The following FBXL7 variants were observed in gnomAD, a reference collection of about 807,000 sequenced individuals.
FBXL7 encodes F-box and leucine rich repeat protein 7, also known as F-box/LRR-repeat protein 7.
Under a neutral mutation model 38.3 loss-of-function variants are expected in FBXL7, and 12 were observed. The observed-to-expected ratio is 0.31, with a 90% CI of 0.20 to 0.51. The LOEUF is 0.51. Among genes scored for constraint, FBXL7 ranks in the 20% least tolerant of loss-of-function variants. FBXL7 has a pLI of 0.98. For synonymous variants in FBXL7, 297 were observed against 300.9 expected (o/e 0.99, Z 0.13); for missense variants, 567 against 676.4 (o/e 0.84, Z 1.79).
chr5:15,833,673 G>A (rs141798279), intron 2 of FBXL7, among the ~76,000 whole-genome samples: 15 of 152,308 alleles, frequency 9.8e-5, no homozygotes, highest in Non-Finnish European at 1.6e-4. Context: ...AGGCTTTGCC[G>A]TTTTTCTGTG....
intron 2 of FBXL7, among the ~76,000 whole-genome samples, chr5:15,905,030 T>G (rs1166969523): frequency 6.6e-6 from 1 of 152,188 alleles, no homozygotes; most frequent in Non-Finnish European, 1.5e-5. Flanking sequence ...GGCCTGTGCT[T>G]CTCTGCACTA....
chr5:15,888,281 G>A (rs938434089), intron 2 of FBXL7, among the ~76,000 whole-genome samples: 1 of 151,748 alleles, frequency 6.6e-6, no homozygotes, highest in Non-Finnish European at 1.5e-5. Flanking sequence ...AGGCTGGAGT[G>A]CAGTGGCGCA....
intron 2 of FBXL7, among the ~76,000 whole-genome samples, chr5:15,688,582 A>T (rs1202706239): frequency 1.3e-5 from 2 of 152,160 alleles, no homozygotes; most frequent in African/African-American, 4.8e-5. Flanking sequence ...GGTCGCCTCC[A>T]GTCAGGCCAT....
chr5:15,858,756 T>G (rs1739349021), intron 2 of FBXL7, among the ~76,000 whole-genome samples: 1 of 152,190 alleles, frequency 6.6e-6, no homozygotes, highest in African/African-American at 2.4e-5. Context: ...CTGATTTAAG[T>G]TGTTGCTTCT....
At chr5:15,729,963 C>A (rs1252333981) in intron 2 of FBXL7, among the ~76,000 whole-genome samples, 2 of 152,142 alleles carry the variant, frequency 1.3e-5, no homozygotes, top group Non-Finnish European at 1.5e-5. Flanking sequence ...TGTATGCAGT[C>A]CTACTGTATG....
intron 2 of FBXL7, among the ~76,000 whole-genome samples, chr5:15,834,159 G>A (rs750519229): frequency 2.0e-5 from 3 of 152,168 alleles, no homozygotes; most frequent in South Asian, 2.1e-4. Context: ...GGCAAACAGA[G>A]GGCAGCATGT....
chr5:15,519,723 G>C (rs1737046914), intron 1 of FBXL7, among the ~76,000 whole-genome samples: 1 of 152,172 alleles, frequency 6.6e-6, no homozygotes, highest in Non-Finnish European at 1.5e-5. Flanking sequence ...GACATTCCTA[G>C]AAGGAGGAGA....
intron 2 of FBXL7, among the ~76,000 whole-genome samples, chr5:15,749,513 G>A (rs1736100591): frequency 2.0e-5 from 3 of 151,884 alleles, no homozygotes; most frequent in Admixed American, 2.0e-4. Context: ...CGTAGTCCCA[G>A]CTACTCGGGA....
intron 1 of FBXL7, among the ~76,000 whole-genome samples, chr5:15,557,484 A>G (rs989128443): frequency 3.9e-5 from 6 of 152,238 alleles, no homozygotes; most frequent in African/African-American, 1.4e-4. Context: ...ATCCTATGGC[A>G]TAAGGCTTCT....
At chr5:15,620,145 T>C (rs1411287428) in intron 2 of FBXL7, among the ~76,000 whole-genome samples, 1 of 152,148 alleles carries the variant, frequency 6.6e-6, no homozygotes, top group Non-Finnish European at 1.5e-5. Flanking sequence ...TTGAATTGTA[T>C]GCTTAAAAAA....
At chr5:15,930,672 C>T (rs1015556219) in intron 3 of FBXL7, among the ~76,000 whole-genome samples, 9 of 152,092 alleles carry the variant, frequency 5.9e-5, no homozygotes, top group Non-Finnish European at 7.4e-5. Flanking sequence ...GTGTAGCCTC[C>T]CCTCATGTCT....
intron 2 of FBXL7, among the ~76,000 whole-genome samples, chr5:15,626,638 A>C (rs2126535176): frequency 6.6e-6 from 1 of 151,988 alleles, no homozygotes; most frequent in East Asian, 1.9e-4. Flanking sequence ...CAGAGCTCTC[A>C]GTGCCTTTAT....
chr5:15,680,568 A>C (rs893623072), intron 2 of FBXL7, among the ~76,000 whole-genome samples: 1 of 152,100 alleles, frequency 6.6e-6, no homozygotes, highest in Admixed American at 6.6e-5. Flanking sequence ...TAATTAACAT[A>C]CCCATAGTAG....
intron 1 of FBXL7, among the ~76,000 whole-genome samples, chr5:15,563,846 C>T (rs536311070): frequency 1.3e-5 from 2 of 151,974 alleles, no homozygotes; most frequent in South Asian, 2.1e-4. Flanking sequence ...AAGCTCTGGG[C>T]TGAAATACTG....
At chr5:15,648,032 C>T (rs546551868) in intron 2 of FBXL7, among the ~76,000 whole-genome samples, 24 of 152,262 alleles carry the variant, frequency 1.6e-4, no homozygotes, top group African/African-American at 4.6e-4. Context: ...AAACACTTGC[C>T]GCCAGCACAC....
chr5:15,851,257 G>A (rs566725227), intron 2 of FBXL7, among the ~76,000 whole-genome samples: 55 of 152,246 alleles, frequency 3.6e-4, no homozygotes, highest in African/African-American at 1.2e-3. Flanking sequence ...CAAGTACTTT[G>A]TGTTTGAAAG....
intron 1 of FBXL7, among the ~76,000 whole-genome samples, chr5:15,517,636 G>A (rs907028298): frequency 2.0e-5 from 3 of 152,194 alleles, no homozygotes; most frequent in African/African-American, 7.2e-5. Context: ...GCAGGTGGAT[G>A]GCAGGAGAGT....
chr5:15,864,845 G>A (rs1422467919), intron 2 of FBXL7, among the ~76,000 whole-genome samples: 1 of 152,134 alleles, frequency 6.6e-6, no homozygotes, highest in African/African-American at 2.4e-5. Flanking sequence ...TTATATCTAA[G>A]GCCTTTTCCA....
At chr5:15,632,605 C>T (rs912431509) in intron 2 of FBXL7, among the ~76,000 whole-genome samples, 1 of 152,146 alleles carries the variant, frequency 6.6e-6, no homozygotes, top group Admixed American at 6.5e-5. Context: ...GTAGCAAAGA[C>T]ATAGACTCAA....
Sources: allele counts gnomAD v4.1 joint callset (sites outside exome capture counted in the v4.1 genomes callset), GRCh38; gene constraint gnomAD v4.1.1; transcripts MANE v1.5; gene names NCBI Gene and HGNC (gene_info 2026-07-23, HGNC 2026-07-21).